Variants in DYRK4 observed in about 807,000 individuals in gnomAD.
DYRK4 encodes dual specificity tyrosine phosphorylation regulated kinase 4, also known as dual specificity tyrosine-phosphorylation-regulated kinase 4.
DYRK4 carries 64 observed loss-of-function variants against 68.3 expected under a neutral mutation model. That is an observed-to-expected ratio of 0.94 (90% CI 0.77 to 1.15). The LOEUF (loss-of-function observed/expected upper bound fraction) is 1.15. DYRK4 is among the 50% of genes most tolerant of loss of function. The pLI, the probability that DYRK4 is intolerant of heterozygous loss-of-function variation, is 0.00. For missense variants in DYRK4, 740 were observed against 764.7 expected (o/e 0.97, Z 0.38); for synonymous variants, 274 against 289.9 (o/e 0.95, Z 0.56).
chr12:4,565,782 C>T lies in DYRK4; in HGVS notation c.39-2173C>T, dbSNP rs188060687. 2.8e-3 allele frequency among the ~76,000 whole-genome samples: 425 copies of T among 151,928 alleles called. 2 individuals carry two copies. The highest frequency in any genetic ancestry group is 9.8e-3 in the African/African-American group (405 of 41,390). On this transcript the variant is annotated intron_variant, in intron 1 of 14. Transcript: ENST00000543431. ...CTGGGATTACAGGCGTGAGGCACCA[C>T]ACACAGCTAACTTCTTTTGTATTTT...
Position 4,590,401 on chromosome 12 carries a change from T to G in DYRK4, c.285T>G (p.Ile95Met). Residue 95 changes from isoleucine to methionine, a missense_variant, in exon 4 of 15, where the codon ATT (isoleucine) becomes ATG (methionine). Transcript: ENST00000543431. ...GKKNTVSFPH[I>M]SKKVLLKSSL... ...AGAATACGGTAAGCTTCCCACACAT[T>G]AGCAAGAAAGTCCTGCTGAAGTCAT... The G allele has an allele frequency of 6.5e-7, 1 of 1,535,970 alleles. No individual in the cohort carries two copies. The highest frequency in any genetic ancestry group is 8.7e-7 in the Non-Finnish European group (1 of 1,146,856).
In DYRK4 at chr12:4,612,570, G is replaced by C; in HGVS notation, c.1518G>C (p.Pro506=). 6.2e-7 allele frequency: 1 copy of C among 1,614,166 alleles called. No homozygotes were observed. The highest frequency in any genetic ancestry group is 8.5e-7 in the Non-Finnish European group (1 of 1,180,020). The part of the protein sequence containing the change: ...LVWEPSLRMT[P]DQALKHAWIH... The stretch of plus-strand genomic sequence containing the variant: ...GGGAACCTTCTCTTCGCATGACCCC[G>C]GACCAGGCCCTCAAGCATGCTTGGA... Residue 506 remains proline (P), a synonymous_variant, in exon 14 of 15, where the codon CCG becomes CCC. Transcript: ENST00000543431.
rs754106376 is a variant in DYRK4 at position 4,604,998 on chromosome 12, G to C, written c.1211G>C (p.Ser404Thr). ...TACGACGTGGCCATTGACATGTGGA[G>C]CCTGGGCTGCATCACGGCGGAGTTG... The part of the protein sequence containing the change: ...HPYDVAIDMW[S>T]LGCITAELYT... The change falls in exon 11 of 15, where the codon AGC becomes ACC. Residue 404 changes from serine to threonine, a missense_variant. This residue lies in a region of DYRK4 where 614 missense variants were observed against 603.7 expected (regional missense o/e 1.02). Transcript: ENST00000543431. 1 of 1,614,128 alleles carries C rather than the reference G, an allele frequency of 6.2e-7. No individual in the cohort carries two copies. Among genetic ancestry groups the C allele is most frequent in the Non-Finnish European group, 8.5e-7 (1 of 1,179,964 alleles).
chr12:4,568,971 A>G (rs1029276840), intron 2 of DYRK4, among the ~76,000 whole-genome samples: 2 of 152,234 alleles, frequency 1.3e-5, no homozygotes, highest in Admixed American at 1.3e-4. Context: ...TCCTGCCTGC[A>G]TCACTGTTTG....
At chr12:4,577,104 T>C (rs73257410) in intron 2 of DYRK4, among the ~76,000 whole-genome samples, 3,391 of 152,340 alleles carry the variant, frequency 0.022, 125 homozygotes, top group African/African-American at 0.075. Flanking sequence ...TTTTCTTCTA[T>C]GTCACCTTCT....
chr12:4,591,100 T>C lies in DYRK4; in HGVS notation c.325-60T>C. On this transcript the variant is annotated intron_variant, in intron 4 of 14. Coordinates refer to ENST00000543431, the MANE Select transcript of DYRK4 (RefSeq NM_001394779.1). The surrounding 1 kb of genome is among the most constrained non-coding windows in gnomAD (Gnocchi z 4.1). ...TGGGTGTCTTTGGTTAAATAAATGG[T>C]TTATGGCCCCCAGGAGAGTCCTAAG... 6.4e-7 allele frequency: 1 copy of C among 1,566,216 alleles called. No homozygotes were observed. Among genetic ancestry groups the C allele is most frequent in the Non-Finnish European group, 8.6e-7 (1 of 1,156,272 alleles).
At chr12:4,589,904 G>T (rs1296537832) in intron 3 of DYRK4, among the ~76,000 whole-genome samples, 1 of 152,178 alleles carries the variant, frequency 6.6e-6, no homozygotes, top group Admixed American at 6.6e-5. Flanking sequence ...TGATATAACA[G>T]GAAGAACTTC....
intron 13 of DYRK4, chr12:4,610,594 A>G (rs1396867218): frequency 1.1e-5 from 2 of 185,752 alleles, no homozygotes; most frequent in Non-Finnish European, 2.2e-5. Flanking sequence ...CCTGGCCTCA[A>G]ACTGCCTGGC....
chr12:4,606,863 G>A (rs573596101), intron 11 of DYRK4, among the ~76,000 whole-genome samples: 1 of 152,320 alleles, frequency 6.6e-6, no homozygotes, highest in East Asian at 1.9e-4. Flanking sequence ...GTTGCAGTAG[G>A]AAAAGATGAA....
intron 1 of DYRK4, chr12:4,563,309 C>T (rs923179640): frequency 6.9e-5 from 26 of 377,392 alleles, no homozygotes; most frequent in Non-Finnish European, 8.4e-5. Context: ...TCGGAAGGGA[C>T]TCTCTAGCAA....
chr12:4,586,264 G>T (rs1156307273), intron 2 of DYRK4, among the ~76,000 whole-genome samples: 1 of 152,086 alleles, frequency 6.6e-6, no homozygotes, highest in Non-Finnish European at 1.5e-5. Flanking sequence ...CCCTCTAGAG[G>T]CAGGGCCCAG....
In DYRK4 at chr12:4,562,253, T is replaced by C; in HGVS notation, c.8T>C (p.Leu3Pro). 1 of 1,532,230 alleles carries C rather than the reference T, an allele frequency of 6.5e-7. No individual in the cohort carries two copies. 94.9% of individuals were successfully genotyped at this position (1,532,230 alleles called of 1,614,324 possible). Residue 3 changes from leucine to proline, a missense_variant, in exon 1 of 15, where the codon CTC (leucine) becomes CCC (proline). This residue lies in a region of DYRK4 where 70 missense variants were observed against 71.1 expected (regional missense o/e 0.98). Coordinates refer to ENST00000543431, the MANE Select transcript of DYRK4 (RefSeq NM_001394779.1). MQ[L>P]LPPPIRTGTK... ...GCGGTCAGCGCCGGCCTCATGCAGC[T>C]CCTCCCGCCGCCTATCCGCACCGGA...
rs1052965741 is a variant in DYRK4 at position 4,612,676 on chromosome 12, A to G, written c.1624A>G (p.Arg542Gly). 2.5e-6 allele frequency: 4 copies of G among 1,614,064 alleles called. No individual in the cohort carries two copies. The highest frequency in any genetic ancestry group is 1.3e-5 in the African/African-American group (1 of 74,920). ...CAATTCCTTTTTCCCCTCTGAGACAAGGAAGGACAAGGTTCAAGGCTGTCA... is the reference window on the plus strand; with the variant it reads ...CAATTCCTTTTTCCCCTCTGAGACAGGGAAGGACAAGGTTCAAGGCTGTCA... The part of the protein sequence containing the change: ...KSNSFFPSET[R>G]KDKVQGCHHS... The change falls in exon 14 of 15, where the codon AGG (arginine) becomes GGG (glycine). Residue 542 changes from arginine (R) to glycine (G), a missense_variant. Physicochemically the swap from Arg to Gly is moderately radical, Grantham distance 125. Coordinates refer to ENST00000543431, the MANE Select transcript of DYRK4 (RefSeq NM_001394779.1).
At chr12:4,573,751 A>T (rs564840630) in intron 2 of DYRK4, among the ~76,000 whole-genome samples, 142 of 152,346 alleles carry the variant, frequency 9.3e-4, no homozygotes, top group African/African-American at 3.1e-3. Context: ...ACCTGAAGTC[A>T]TTCTGGGAAT....
intron 1 of DYRK4, chr12:4,567,242 A>G (rs1944686136): frequency 6.6e-6 from 1 of 152,178 alleles, no homozygotes; most frequent in Non-Finnish European, 1.5e-5. Context: ...CTGTCATAAT[A>G]TTTGCATTGG....
chr12:4,607,989 A>T (rs972356553), intron 12 of DYRK4, among the ~76,000 whole-genome samples: 4 of 152,130 alleles, frequency 2.6e-5, no homozygotes, highest in African/African-American at 9.7e-5. Context: ...TCTCCTCATA[A>T]TTCCCAGAAT....
chr12:4,587,878 G>A (rs1375427541), intron 2 of DYRK4, among the ~76,000 whole-genome samples: 1 of 152,226 alleles, frequency 6.6e-6, no homozygotes, highest in Admixed American at 6.5e-5. Context: ...GTCAGCTTTG[G>A]ATAAACATCC....
intron 10 of DYRK4, 79 bp from the exon 11 acceptor site, chr12:4,604,835 T>C (rs756258865): frequency 2.1e-6 from 3 of 1,453,352 alleles, no homozygotes; most frequent in African/African-American, 1.4e-5. Context: ...GCAGTCTAAC[T>C]GAGAAGTTGT....
At chr12:4,606,593 A>G (rs1248769401) in intron 11 of DYRK4, among the ~76,000 whole-genome samples, 2 of 152,208 alleles carry the variant, frequency 1.3e-5, no homozygotes, top group Non-Finnish European at 2.9e-5. Context: ...TGAGGGGAGC[A>G]GAGAAGATGG....
Sources: gnomAD v4.1 joint callset for allele counts (sites outside exome capture counted in the v4.1 genomes callset) on GRCh38, gnomAD v4.1.1 for gene constraint, gnomAD v4.1.1 regional missense constraint, Gnocchi (gnomAD v3.1) non-coding constraint, MANE v1.5 for transcripts, NCBI Gene and HGNC (gene_info 2026-07-23, HGNC 2026-07-21) for gene names.